The following GPC6 variants were observed in gnomAD, a reference collection of about 807,000 sequenced individuals.
GPC6 encodes the protein glypican-6.
GPC6 carries 14 observed loss-of-function variants against 55.2 expected under a neutral mutation model. That is an observed-to-expected ratio of 0.25 (90% CI 0.17 to 0.40). GPC6 has a LOEUF of 0.40. GPC6 is among the 10% of genes least tolerant of loss of function. The pLI is 1.00. For missense variants in GPC6, 641 were observed against 708.5 expected (o/e 0.90, Z 1.08); for synonymous variants, 278 against 259.6 (o/e 1.07, Z -0.68).
At chr13:94,069,298 GA>G (rs1403237332) in intron 4 of GPC6, among the ~76,000 whole-genome samples, 2 of 152,126 alleles carry the variant, frequency 1.3e-5, no homozygotes, top group East Asian at 1.9e-4. Flanking sequence ...GGACACAGGA[GA>G]CCAAGTCCCT....
intron 2 of GPC6, among the ~76,000 whole-genome samples, chr13:93,797,640 G>A (rs1421789541): frequency 6.6e-6 from 1 of 152,174 alleles, no homozygotes; most frequent in Non-Finnish European, 1.5e-5. Flanking sequence ...TGGGGTATAT[G>A]TGAGTCATTT....
intron 2 of GPC6, among the ~76,000 whole-genome samples, chr13:93,754,986 G>A (rs78483958): frequency 0.026 from 4,009 of 152,214 alleles, 245 homozygotes; most frequent in East Asian, 0.18. Flanking sequence ...TATTTTACAC[G>A]TACATGTACT....
intron 3 of GPC6, among the ~76,000 whole-genome samples, chr13:93,834,818 A>G (rs1887672097): frequency 6.6e-6 from 1 of 152,194 alleles, no homozygotes; most frequent in Non-Finnish European, 1.5e-5. Flanking sequence ...GTGATGTCAG[A>G]AAGGCATGGA....
At chr13:93,584,254 A>T (rs779491065) in intron 2 of GPC6, among the ~76,000 whole-genome samples, 7 of 152,148 alleles carry the variant, frequency 4.6e-5, no homozygotes, top group Non-Finnish European at 1.0e-4. Context: ...GTGGGTGACT[A>T]ATAACTTTAT....
chr13:94,034,236 GGAAGGAAGGAA>G (rs1184394399), intron 4 of GPC6, among the ~76,000 whole-genome samples: 4 of 150,858 alleles, frequency 2.7e-5, no homozygotes, highest in African/African-American at 7.3e-5. Flanking sequence ...AAGGAAGGAA[GGAAGGAAGGAA>G]GGAAAGAAAG....
chr13:94,318,701 T>C (rs752754027), intron 6 of GPC6, among the ~76,000 whole-genome samples: 5 of 152,174 alleles, frequency 3.3e-5, no homozygotes, highest in Non-Finnish European at 7.4e-5. Flanking sequence ...TTTCAGTTAC[T>C]CATGGTCAGC....
At chr13:93,463,060 C>T (rs906443851) in intron 1 of GPC6, among the ~76,000 whole-genome samples, 6 of 152,068 alleles carry the variant, frequency 3.9e-5, no homozygotes, top group African/African-American at 1.4e-4. Context: ...AATTGTGCTC[C>T]AATTTCAGGT....
rs1473007342 is a variant in GPC6 at position 94,178,305 on chromosome 13, A to AAT, written c.878-108041_878-108040dup. ...AGCCATCGCACCCGGCTGGTCTTTAAATATTTTATCTTGTCCTCCTATCTC... is the reference window on the plus strand; with the variant it reads ...AGCCATCGCACCCGGCTGGTCTTTAAATATATTTTATCTTGTCCTCCTATCTC... On this transcript the variant is annotated intron_variant, in intron 4 of 8. Transcript: ENST00000377047. Among the ~76,000 whole-genome samples, 3 of 152,206 alleles carry AAT rather than the reference A, an allele frequency of 2.0e-5. No homozygotes were observed. The South Asian group carries it at 6.2e-4, about 32-fold the overall frequency.
chr13:93,514,805 A>C lies in GPC6; in HGVS notation c.161-30458A>C, dbSNP rs142183440. On this transcript the variant is annotated intron_variant, in intron 1 of 8. Transcript: ENST00000377047. ...TTATTGAGTGTTCATGAGGGACAGA[A>C]TCCCCTACCAACCTGTATTGGACGT... is the stretch of plus-strand genomic sequence containing the variant. 9.4e-3 allele frequency among the ~76,000 whole-genome samples: 1,428 copies of C among 152,284 alleles called. 14 individuals are homozygous for C. Among genetic ancestry groups the C allele is most frequent in the Non-Finnish European group, 0.014 (950 of 68,014 alleles).
At chr13:93,750,126 A>G (rs2138860832) in intron 2 of GPC6, among the ~76,000 whole-genome samples, 1 of 152,356 alleles carries the variant, frequency 6.6e-6, no homozygotes, top group Non-Finnish European at 1.5e-5. Context: ...TAGAATAAAT[A>G]GAATTTAAGC....
chr13:93,218,423 T>A, the GPC6 span, among the ~76,000 whole-genome samples: 2 of 152,206 alleles, frequency 1.3e-5, no homozygotes, highest in Non-Finnish European at 2.9e-5. Flanking sequence ...GATTTTGACT[T>A]ACCAGTAAAC....
intron 3 of GPC6, among the ~76,000 whole-genome samples, chr13:93,891,161 A>G (rs1875657730): frequency 1.3e-5 from 2 of 152,138 alleles, no homozygotes; most frequent in Non-Finnish European, 2.9e-5. Context: ...CTACCCTATT[A>G]CTTTAATGTT....
At chr13:93,610,200 G>A (rs1216102440) in intron 2 of GPC6, among the ~76,000 whole-genome samples, 2 of 152,284 alleles carry the variant, frequency 1.3e-5, no homozygotes, top group East Asian at 3.9e-4. Flanking sequence ...AACTTCGTAA[G>A]TTTCAATTTT....
chr13:94,382,440 G>A lies in GPC6; in HGVS notation c.1179G>A (p.Lys393=), dbSNP rs1880199498. 12 of 1,614,038 alleles carry A rather than the reference G, an allele frequency of 7.4e-6. No individual in the cohort carries two copies. Among genetic ancestry groups the A allele is most frequent in the Non-Finnish European group, 1.0e-5 (12 of 1,179,896 alleles). The change falls in exon 7 of 9, where the codon AAG becomes AAA. Residue 393 remains lysine, a synonymous_variant. Coordinates refer to ENST00000377047, the MANE Select transcript of GPC6 (RefSeq NM_005708.5). The part of the protein sequence containing the change: ...RLVTDIKEKL[K]LSKKVWSALP... ...TCACAGACATAAAAGAGAAATTGAA[G>A]CTCTCTAAAAAGGTCTGGTCAGCAT...
chr13:93,413,677 A>T (rs1472035847), intron 1 of GPC6, among the ~76,000 whole-genome samples: 1 of 151,890 alleles, frequency 6.6e-6, no homozygotes, highest in Non-Finnish European at 1.5e-5. Context: ...TGATAGTATT[A>T]TGGAAGGATG....
At chr13:93,833,333 A>G (rs7318236) in intron 3 of GPC6, among the ~76,000 whole-genome samples, 150,622 of 152,232 alleles carry the variant, frequency 0.99, 74,516 homozygotes, top group East Asian at 1. Flanking sequence ...ATGATTTTCA[A>G]CACCCAAGGT....
At chr13:94,372,293 C>G (rs1015122266) in intron 6 of GPC6, among the ~76,000 whole-genome samples, 17 of 152,282 alleles carry the variant, frequency 1.1e-4, no homozygotes, top group African/African-American at 4.1e-4. Flanking sequence ...GCATTTCCAA[C>G]TGAGGTACCA....
intron 4 of GPC6, among the ~76,000 whole-genome samples, chr13:94,030,712 C>T (rs758316834): frequency 6.6e-5 from 10 of 152,192 alleles, no homozygotes; most frequent in Non-Finnish European, 1.3e-4. Flanking sequence ...CATGTACCTT[C>T]CCTGCTAGCT....
At chr13:93,551,431 A>G (rs1041082498) in intron 2 of GPC6, among the ~76,000 whole-genome samples, 6 of 152,038 alleles carry the variant, frequency 3.9e-5, no homozygotes, top group African/African-American at 1.4e-4. Context: ...ACTCTAAACT[A>G]TGCATTTAGA....
Sources: gnomAD v4.1 joint callset for allele counts (sites outside exome capture counted in the v4.1 genomes callset) on GRCh38, gnomAD v4.1.1 for gene constraint, MANE v1.5 for transcripts, NCBI Gene and HGNC (gene_info 2026-07-23, HGNC 2026-07-21) for gene names.